Variants in AFAP1 observed in about 807,000 individuals in gnomAD.
AFAP1 encodes actin filament associated protein 1.
In AFAP1, 75 loss-of-function variants were observed where a neutral mutation model predicts 93.9. That is an observed-to-expected ratio of 0.80 (90% CI 0.66 to 0.97). AFAP1 has a LOEUF of 0.97. Ranked by LOEUF, AFAP1 falls within the 50% of genes least tolerant of loss-of-function variation. AFAP1 has a pLI of 0.00. For missense variants in AFAP1, 1,201 were observed against 1,050.8 expected, an observed-to-expected ratio of 1.14 and a Z score of -1.98; for synonymous variants, 517 against 430.7, an observed-to-expected ratio of 1.20 and a Z score of -2.48.
At chr4:7,936,872 C>T (rs745618671) in intron 1 of AFAP1, among the ~76,000 whole-genome samples, 2 of 152,148 alleles carry the variant, frequency 1.3e-5, no homozygotes, top group Non-Finnish European at 2.9e-5. Context: ...TGAGCCACCA[C>T]ACCTGGCCAC....
intron 1 of AFAP1, among the ~76,000 whole-genome samples, chr4:7,877,619 T>C (rs1018851984): frequency 6.6e-6 from 1 of 152,192 alleles, no homozygotes; most frequent in African/African-American, 2.4e-5. Context: ...CTCACAGTCA[T>C]ATAGCTAGAA....
rs146526156 is a variant in AFAP1, at chr4:7,928,448, C to T, written c.-3+11208G>A. On this transcript the variant is annotated intron_variant, in intron 1 of 17. Transcript: ENST00000420658. ...TGTCGCCCAGGCTGGAGTGCAGTGACGCCATCTCGGCTCACTGCAACCTCC... is the reference window on the plus strand; with the variant it reads ...TGTCGCCCAGGCTGGAGTGCAGTGATGCCATCTCGGCTCACTGCAACCTCC... 4.6e-5 allele frequency among the ~76,000 whole-genome samples: 7 copies of T among 152,116 alleles called. No homozygotes were observed. In the East Asian group the frequency reaches 9.6e-4, roughly 21 times the overall value.
chr4:7,799,195 A>G (rs1032864495), intron 10 of AFAP1: 30 of 578,524 alleles, frequency 5.2e-5, no homozygotes, highest in Non-Finnish European at 6.5e-5. Context: ...TCCCAAGCCC[A>G]TCTGAGCCCA....
Position 7,769,360 on chromosome 4 carries a change from C to T in AFAP1, c.2254-352G>A, listed in dbSNP as rs549851852. Among the ~76,000 whole-genome samples, 81 of 152,312 alleles carry T rather than the reference C, an allele frequency of 5.3e-4. 1 individual carries two copies. The South Asian group carries it at 0.017, about 32-fold the overall frequency. On this transcript the variant is annotated intron_variant, in intron 16 of 17. Coordinates refer to ENST00000420658, the MANE Select transcript of AFAP1 (RefSeq NM_001134647.2). ...CTCTAGCTGGTCCCTTTGTGCAGTG[C>T]TTTAAGGTTTTGAGCTTTTCTGGGG...
rs528104251 is a variant in AFAP1, at chr4:7,853,905, T to G, written c.334+1561A>C. On this transcript the variant is annotated intron_variant, in intron 4 of 17. Coordinates refer to ENST00000420658, the MANE Select transcript of AFAP1 (RefSeq NM_001134647.2). ...TCCTCATTCCCCAGGCGTGAGTTCC[T>G]CAGTCACCTCTTCTTCTGGAGTCAG... Among the ~76,000 whole-genome samples the G allele has an allele frequency of 3.9e-5, 6 of 152,292 alleles. No homozygotes were observed. In the South Asian group the frequency reaches 1.0e-3, roughly 26 times the overall value.
At chr4:7,838,403 C>T in intron 6 of AFAP1, 121 bp downstream of exon 6, 1 of 1,197,294 alleles carries the variant, frequency 8.4e-7, no homozygotes, top group Non-Finnish European at 1.1e-6. Flanking sequence ...AAAGACAAAA[C>T]TCTTTGGGTG....
chr4:7,790,901 A>T (rs763527652), intron 11 of AFAP1, among the ~76,000 whole-genome samples: 1 of 152,228 alleles, frequency 6.6e-6, no homozygotes, highest in Non-Finnish European at 1.5e-5. Flanking sequence ...TCTGTGCAAG[A>T]CTAGTTCCAC....
At chr4:7,800,963 A>T (rs1281534117) in intron 9 of AFAP1, among the ~76,000 whole-genome samples, 2 of 152,184 alleles carry the variant, frequency 1.3e-5, no homozygotes, top group Non-Finnish European at 2.9e-5. Context: ...AAAGCACGTG[A>T]GAAGTTAGCA....
At chr4:7,896,850 C>T (rs7686202) in intron 1 of AFAP1, among the ~76,000 whole-genome samples, 66,568 of 147,232 alleles carry the variant, frequency 0.45, 17,534 homozygotes, top group Non-Finnish European at 0.61. Flanking sequence ...TGCTCAGTCC[C>T]CATTCCCCAC....
intron 1 of AFAP1, among the ~76,000 whole-genome samples, chr4:7,874,410 C>T (rs1349044397): frequency 1.5e-5 from 2 of 135,150 alleles, no homozygotes; most frequent in African/African-American, 2.8e-5. Flanking sequence ...GTCACCCAGG[C>T]TGGAGTGCAG....
intron 1 of AFAP1, among the ~76,000 whole-genome samples, chr4:7,886,888 T>C (rs1321318437): frequency 6.6e-6 from 1 of 152,166 alleles, no homozygotes; most frequent in Non-Finnish European, 1.5e-5. Context: ...TTACAGAAGG[T>C]CAATTTAGTT....
At chr4:7,907,806 GTTTT>G (rs796499416) in intron 1 of AFAP1, among the ~76,000 whole-genome samples, 2 of 151,934 alleles carry the variant, frequency 1.3e-5, no homozygotes, top group Non-Finnish European at 2.9e-5. Flanking sequence ...AATCTGCATT[GTTTT>G]TTTTCCTCTA....
intron 3 of AFAP1, among the ~76,000 whole-genome samples, chr4:7,856,343 T>G (rs536887028): frequency 2.0e-5 from 3 of 151,980 alleles, no homozygotes; most frequent in Admixed American, 6.6e-5. Context: ...CCTGGGTTCA[T>G]GCCATTCTCC....
chr4:7,798,901 C>A, intron 10 of AFAP1: 2 of 987,414 alleles, frequency 2.0e-6, no homozygotes, highest in Admixed American at 6.1e-5. Context: ...GTATCTTACC[C>A]GTGCCAATTC....
intron 6 of AFAP1, among the ~76,000 whole-genome samples, chr4:7,820,783 C>A (rs1193260721): frequency 6.6e-6 from 1 of 152,104 alleles, no homozygotes; most frequent in Non-Finnish European, 1.5e-5. Flanking sequence ...GGCAGAGAGG[C>A]TAGCACATCC....
At chr4:7,780,570 T>C (rs1354985129) in intron 13 of AFAP1, among the ~76,000 whole-genome samples, 1 of 152,104 alleles carries the variant, frequency 6.6e-6, no homozygotes, top group African/African-American at 2.4e-5. Context: ...CCCAGCTACT[T>C]GGGAGGCCAA....
At chr4:7,826,504 A>G (rs1447852733) in intron 6 of AFAP1, among the ~76,000 whole-genome samples, 1 of 152,252 alleles carries the variant, frequency 6.6e-6, no homozygotes, top group Non-Finnish European at 1.5e-5. Context: ...CTGCAGAGAA[A>G]AGAGACCACT....
intron 15 of AFAP1, 79 bp from the exon 16 acceptor site, chr4:7,773,089 G>A: frequency 6.7e-7 from 1 of 1,501,064 alleles, no homozygotes; most frequent in Non-Finnish European, 8.8e-7. Flanking sequence ...TGGTCCCCAA[G>A]AAGAACTTCC....
At chr4:7,768,573 G>C (rs997903228) in intron 17 of AFAP1, among the ~76,000 whole-genome samples, 12 of 152,146 alleles carry the variant, frequency 7.9e-5, no homozygotes, top group Admixed American at 7.9e-4. Flanking sequence ...GGGCTTGCCT[G>C]CATCTGAGAT....
Sources: gnomAD v4.1 joint callset for allele counts (sites outside exome capture counted in the v4.1 genomes callset) on GRCh38, gnomAD v4.1.1 for gene constraint, MANE v1.5 for transcripts, NCBI Gene and HGNC (gene_info 2026-07-23, HGNC 2026-07-21) for gene names.